RBFOX1: variants seen among roughly 807,000 people sequenced by gnomAD.
The protein encoded by RBFOX1 is RNA binding fox-1 homolog 1.
RBFOX1 carries 8 observed loss-of-function variants against 57.7 expected under a neutral mutation model. That is an observed-to-expected ratio of 0.14 (90% CI 0.08 to 0.25). RBFOX1 has a LOEUF of 0.25. RBFOX1 is among the 10% of genes least tolerant of loss of function. The pLI is 1.00. For missense variants in RBFOX1, 611 were observed against 548.5 expected (o/e 1.11, Z -1.14); for synonymous variants, 326 against 222.4 (o/e 1.47, Z -4.15).
At chr16:5,537,357 A>G (rs927591369) in intron 2 of RBFOX1, among the ~76,000 whole-genome samples, 1 of 152,192 alleles carries the variant, frequency 6.6e-6, no homozygotes, top group Admixed American at 6.5e-5. Context: ...CGAAATAGGT[A>G]TTAGTTTTCT....
At chr16:5,769,887 A>C (rs117727430) in intron 3 of RBFOX1, among the ~76,000 whole-genome samples, 4,354 of 152,230 alleles carry the variant, frequency 0.029, 88 homozygotes, top group South Asian at 0.06. Flanking sequence ...TGTCATGACA[A>C]CCGTAGGAAA....
chr16:5,532,923 C>T (rs901256355), intron 2 of RBFOX1, among the ~76,000 whole-genome samples: 5 of 151,358 alleles, frequency 3.3e-5, no homozygotes, highest in African/African-American at 9.7e-5. Flanking sequence ...GGAGATCTCA[C>T]ATTAGTGATT....
intron 1 of RBFOX1, among the ~76,000 whole-genome samples, chr16:6,211,663 T>C (rs2097298901): frequency 6.6e-6 from 1 of 152,152 alleles, no homozygotes; most frequent in South Asian, 2.1e-4. Context: ...ACCTCTTTTC[T>C]CTCTAGGTAT....
At chr16:5,444,420 C>A (rs1470591456) in intron 1 of RBFOX1, among the ~76,000 whole-genome samples, 1 of 152,200 alleles carries the variant, frequency 6.6e-6, no homozygotes, top group Admixed American at 6.5e-5. Context: ...ATCGGAAAGA[C>A]AGTTGTAGAC....
At chr16:7,328,849 C>T (rs1391000285) in intron 4 of RBFOX1, 1 of 152,138 alleles carries the variant, frequency 6.6e-6, no homozygotes, top group African/African-American at 2.4e-5. Flanking sequence ...GGATAAAATA[C>T]ATACCCTAGA....
At chr16:6,577,908 C>T (rs919598745) in intron 2 of RBFOX1, among the ~76,000 whole-genome samples, 5 of 152,138 alleles carry the variant, frequency 3.3e-5, no homozygotes, top group African/African-American at 2.4e-5. Context: ...TTTTTTACTG[C>T]AATGTCATAC....
At chr16:6,853,319 T>C (rs555435034) in intron 3 of RBFOX1, among the ~76,000 whole-genome samples, 2 of 152,236 alleles carry the variant, frequency 1.3e-5, no homozygotes, top group African/African-American at 4.8e-5. Flanking sequence ...ATGAGGATGG[T>C]GGTGGTAGTG....
At chr16:5,365,833 G>A in intron 1 of RBFOX1, 1 of 518,004 alleles carries the variant, frequency 1.9e-6, no homozygotes, top group South Asian at 1.4e-5. Context: ...AGCCCCCTGA[G>A]GCCCCAGAAC....
chr16:5,625,533 T>TATTTA (rs1392302775), intron 3 of RBFOX1, among the ~76,000 whole-genome samples: 9 of 129,708 alleles, frequency 6.9e-5, no homozygotes, highest in Admixed American at 4.2e-4. Flanking sequence ...TTAATATTTT[T>TATTTA]TGTTATTTAT....
chr16:7,451,389 C>T lies in RBFOX1; in HGVS notation c.28-66758C>T, dbSNP rs192109470. The stretch of plus-strand genomic sequence containing the variant: ...TTGGAAATTTCGGAGCAGTGAAATC[C>T]AAGTATTTCAACCTGGCAGGTTGAG... On this transcript the variant is annotated intron_variant, in intron 4 of 15. Transcript: ENST00000550418. 4.4e-3 allele frequency among the ~76,000 whole-genome samples: 667 copies of T among 152,164 alleles called. 3 individuals carry two copies. The highest frequency in any genetic ancestry group is 0.015 in the African/African-American group (623 of 41,494).
chr16:7,583,646 C>A (rs961813218), intron 6 of RBFOX1, among the ~76,000 whole-genome samples: 2 of 152,066 alleles, frequency 1.3e-5, no homozygotes, highest in Non-Finnish European at 2.9e-5. Flanking sequence ...TACACAACAC[C>A]CTTGTTGATT....
intron 3 of RBFOX1, among the ~76,000 whole-genome samples, chr16:5,832,923 G>A (rs2056329120): frequency 6.6e-6 from 1 of 152,186 alleles, no homozygotes. Context: ...TCCCCAGGCT[G>A]TAGAAATCCT....
At chr16:7,706,378 C>A (rs574904610) in intron 14 of RBFOX1, among the ~76,000 whole-genome samples, 1 of 152,256 alleles carries the variant, frequency 6.6e-6, no homozygotes, top group South Asian at 2.1e-4. Flanking sequence ...TTCCTTCTGC[C>A]TTGGAAGAGA....
chr16:5,906,491 C>G (rs2058459474), intron 4 of RBFOX1, among the ~76,000 whole-genome samples: 1 of 152,172 alleles, frequency 6.6e-6, no homozygotes, highest in Non-Finnish European at 1.5e-5. Flanking sequence ...ACGCCTTGAT[C>G]TTGCACTTCC....
At chr16:6,122,634 T>C (rs970317502) in intron 1 of RBFOX1, among the ~76,000 whole-genome samples, 1 of 152,062 alleles carries the variant, frequency 6.6e-6, no homozygotes, top group African/African-American at 2.4e-5. Flanking sequence ...TGACTGACAG[T>C]GGGTGGCCAA....
At chr16:7,086,485 T>C (rs2059998779) in intron 4 of RBFOX1, among the ~76,000 whole-genome samples, 2 of 152,148 alleles carry the variant, frequency 1.3e-5, no homozygotes, top group South Asian at 4.2e-4. Context: ...TCATGATGTG[T>C]TTCAGTAATG....
intron 1 of RBFOX1, among the ~76,000 whole-genome samples, chr16:5,284,756 A>AATTTTTTTTTTTTTTTTT (rs1303967371): frequency 1.6e-5 from 1 of 61,032 alleles, no homozygotes; most frequent in Non-Finnish European, 3.0e-5. Context: ...TTTGGCTTAG[A>AATTTTTTTTTTTTTTTTT]TTTTTTTTTT....
At chr16:6,017,357 C>T (rs1235440156), upstream of RBFOX1, among the ~76,000 whole-genome samples, 3 of 152,066 alleles carry the variant, frequency 2.0e-5, no homozygotes, top group Admixed American at 2.0e-4. Context: ...TTGAGAATAC[C>T]TCTTTTACAA....
intron 3 of RBFOX1, among the ~76,000 whole-genome samples, chr16:6,806,836 A>ATATATATATATATATT (rs754342591): frequency 1.8e-3 from 164 of 91,822 alleles, no homozygotes; most frequent in Non-Finnish European, 2.7e-3. Context: ...ATATATATAT[A>ATATATATATATATATT]TTTTTTTTTT....
Sources: gnomAD v4.1 joint callset for allele counts (sites outside exome capture counted in the v4.1 genomes callset) on GRCh38, gnomAD v4.1.1 for gene constraint, MANE v1.5 for transcripts, NCBI Gene and HGNC (gene_info 2026-07-23, HGNC 2026-07-21) for gene names.